Variants in SMARCB1 observed in about 807,000 individuals in gnomAD.
SMARCB1 encodes the protein SWI/SNF related BAF chromatin remodeling complex subunit B1.
Under a neutral mutation model 49.0 loss-of-function variants are expected in SMARCB1, and 5 were observed. That is an observed-to-expected ratio of 0.10 (90% confidence interval 0.05 to 0.21). The LOEUF (loss-of-function observed/expected upper bound fraction) is 0.21. SMARCB1 is among the 10% of genes least tolerant of loss of function. The pLI is 1.00. For synonymous variants in SMARCB1, 201 were observed against 200.1 expected (o/e 1.00, Z -0.04); for missense variants, 226 against 509.2 (o/e 0.44, Z 5.35).
At chr22:23,793,167 A>T (rs1601390470) in intron 2 of SMARCB1, 7 of 338,942 alleles carry the variant, frequency 2.1e-5, no homozygotes, top group South Asian at 1.8e-4. Context: ...GTGGTGTCAG[A>T]CCTCTTCCCA....
At chr22:23,834,116 A>C in intron 8 of SMARCB1, 25 bp from the exon 9 acceptor site, 1 of 1,574,856 alleles carries the variant, frequency 6.3e-7, no homozygotes, top group Non-Finnish European at 8.6e-7. Context: ...GCCCCGACTC[A>C]TTGCCCTCCC....
In SMARCB1 at chr22:23,801,058, CAA is replaced by C; in HGVS notation, c.478_479del (p.Lys160GlufsTer9). 6.2e-7 allele frequency: 1 copy of C among 1,614,232 alleles called. No homozygotes were observed. The highest frequency in any genetic ancestry group is 8.5e-7 in the Non-Finnish European group (1 of 1,180,034). On this transcript the variant is annotated frameshift_variant, in exon 4 of 9. Coordinates refer to ENST00000644036, the MANE Select transcript of SMARCB1 (RefSeq NM_003073.5). LOFTEE classifies it high-confidence loss of function. ...TINRNRMGRD[K>X]KRTFPLCFDD... The stretch of plus-strand genomic sequence containing the variant: ...TCAACAGGAACCGCATGGGCCGAGA[CAA>C]GAAGAGAACCTTCCCCCTTTGGTGT...
At chr22:23,810,894 G>C (rs1187174287) in intron 5 of SMARCB1, among the ~76,000 whole-genome samples, 3 of 152,076 alleles carry the variant, frequency 2.0e-5, no homozygotes, top group African/African-American at 4.8e-5. Flanking sequence ...GCTGGGTGTG[G>C]TGGCGGGCGC....
intron 7 of SMARCB1, 73 bp from the exon 8 acceptor site, chr22:23,833,499 G>A: frequency 6.2e-7 from 1 of 1,603,308 alleles, no homozygotes. Flanking sequence ...CACAGACAGG[G>A]GCCAAAGCTT....
chr22:23,792,021 G>A, intron 2 of SMARCB1, 127 bp downstream of exon 2: 1 of 1,006,402 alleles, frequency 9.9e-7, no homozygotes, highest in Non-Finnish European at 1.5e-6. Flanking sequence ...AGCATCCCGG[G>A]GTGGGCCGCC....
rs748920443 is a variant in SMARCB1, at chr22:23,837,059, C to T, written c.*2879C>T. 5 of 1,613,804 alleles carry T rather than the reference C, an allele frequency of 3.1e-6. No homozygotes were observed. In the South Asian group the frequency reaches 5.5e-5, roughly 18 times the overall value. On this transcript the variant is annotated 3_prime_UTR_variant, in exon 9 of 9. Coordinates refer to ENST00000644036, the MANE Select transcript of SMARCB1 (RefSeq NM_003073.5). ...GGAGAGGGAGGGAGGGCTCTCAACA[C>T]TCACAGGAAGCCAGGGGTCTGCAGG...
At chr22:23,827,299 C>T (rs1048849652) in intron 7 of SMARCB1, among the ~76,000 whole-genome samples, 1 of 152,218 alleles carries the variant, frequency 6.6e-6, no homozygotes, top group Non-Finnish European at 1.5e-5. Flanking sequence ...GTCCCCGGGG[C>T]CTCTTGACAG....
chr22:23,791,996 C>G, intron 2 of SMARCB1, 102 bp downstream of exon 2: 1 of 1,335,374 alleles, frequency 7.5e-7, no homozygotes, highest in Non-Finnish European at 1.1e-6. Flanking sequence ...CAGCCTTGGC[C>G]TTAGTCGGGC....
At position 23,836,085 on chromosome 22, in the gene SMARCB1, A is replaced by G. The variant is rs1218569314; in HGVS notation, c.*1905A>G. On this transcript the variant is annotated 3_prime_UTR_variant, in exon 9 of 9. Transcript: ENST00000644036. ...AGGTCAGAAGAGAAAAATGAGCCAC[A>G]GGGGTCGGATAAGGCTCACACACGT... 2.0e-6 allele frequency: 2 copies of G among 985,304 alleles called. No individual in the cohort carries two copies. The highest frequency in any genetic ancestry group is 2.4e-6 in the Non-Finnish European group (2 of 829,874). 61.0% of individuals were successfully genotyped at this position (985,304 alleles called of 1,614,324 possible).
rs2031098623 is a variant in SMARCB1 at position 23,836,963 on chromosome 22, C to T, written c.*2783C>T. On this transcript the variant is annotated 3_prime_UTR_variant, in exon 9 of 9. Transcript: ENST00000644036. ...TGCAGGGGCATCCAGGAGCAGCTTTCTGTGGGGAGGGGCCCGTGTTGAGCA... is the reference window on the plus strand; with the variant it reads ...TGCAGGGGCATCCAGGAGCAGCTTTTTGTGGGGAGGGGCCCGTGTTGAGCA... The T allele has an allele frequency of 2.5e-6, 4 of 1,598,754 alleles. No homozygotes were observed. The highest frequency in any genetic ancestry group is 3.4e-6 in the Non-Finnish European group (4 of 1,173,116).
chr22:23,809,481 G>C (rs1288010245), intron 5 of SMARCB1, among the ~76,000 whole-genome samples: 1 of 151,364 alleles, frequency 6.6e-6, no homozygotes, highest in Non-Finnish European at 1.5e-5. Flanking sequence ...TCTCCATGTT[G>C]GTCAGGCTGG....
chr22:23,810,746 A>G (rs1929822428), intron 5 of SMARCB1, among the ~76,000 whole-genome samples: 1 of 151,766 alleles, frequency 6.6e-6, no homozygotes, highest in Admixed American at 6.6e-5. Flanking sequence ...TTAAGGCTTT[A>G]AGGCTGGGCA....
Position 23,807,475 on chromosome 22 carries a change from TGAGGTG to T in SMARCB1, c.628+4055_628+4060del, listed in dbSNP as rs1487452150. On this transcript the variant is annotated intron_variant, in intron 5 of 8. Transcript: ENST00000644036. ...CTGTGATCTCAGCTACTTGGGAGGC[TGAGGTG>T]GGAGGATAGCTTGAGCCCGGGAGGT... 4.6e-5 allele frequency among the ~76,000 whole-genome samples: 7 copies of T among 152,044 alleles called. No individual in the cohort carries two copies. In the East Asian group the frequency reaches 1.4e-3, roughly 29 times the overall value.
chr22:23,800,989 C>T lies in SMARCB1; in HGVS notation c.408C>T (p.Pro136=), dbSNP rs1601401844. 3 of 1,614,170 alleles carry T rather than the reference C, an allele frequency of 1.9e-6. No individual in the cohort carries two copies. The highest frequency in any genetic ancestry group is 2.5e-6 in the Non-Finnish European group (3 of 1,180,008). Residue 136 remains proline, a synonymous_variant, in exon 4 of 9, where the codon CCC becomes CCT. Transcript: ENST00000644036. ...ACAGCCAGTGGGTACCCACCCTGCCCAACAGCTCCCACCACTTAGATGCCG... is the reference window on the plus strand; with the variant it reads ...ACAGCCAGTGGGTACCCACCCTGCCTAACAGCTCCCACCACTTAGATGCCG... The part of the protein sequence containing the change: ...KRNSQWVPTL[P]NSSHHLDAVP...
rs754342520 is a variant in SMARCB1, at chr22:23,837,613, G to A, written c.*3433G>A. ...CCAGGGCATAAGCAGCGTGTCCTGA[G>A]GGGAGTGGCCAGCCTGGGGCGGACT... On this transcript the variant is annotated 3_prime_UTR_variant, in exon 9 of 9. Transcript: ENST00000644036. The A allele has an allele frequency of 4.1e-4, 643 of 1,585,322 alleles. 1 individual carries two copies. Among genetic ancestry groups the A allele is most frequent in the Non-Finnish European group, 5.3e-4 (613 of 1,161,996 alleles).
At chr22:23,787,380 CG>C in intron 1 of SMARCB1, 118 bp downstream of exon 1, 1 of 497,468 alleles carries the variant, frequency 2.0e-6, no homozygotes, top group South Asian at 3.0e-5. Flanking sequence ...CGCGCGCGCG[CG>C]CTCGGGGCTG....
chr22:23,815,819 G>A (rs1030646281), intron 5 of SMARCB1: 4 of 152,246 alleles, frequency 2.6e-5, no homozygotes, highest in Non-Finnish European at 2.9e-5. Context: ...GAAACTGGGC[G>A]CAGTGTGCAT....
At chr22:23,799,707 C>T (rs552382506) in intron 3 of SMARCB1, among the ~76,000 whole-genome samples, 40 of 56,218 alleles carry the variant, frequency 7.1e-4, no homozygotes, top group Non-Finnish European at 9.6e-4. Flanking sequence ...TTTTTTGAGA[C>T]GGAGTCTTGC....
At chr22:23,801,222 A>G in intron 4 of SMARCB1, 141 bp downstream of exon 4, 2 of 1,198,856 alleles carry the variant, frequency 1.7e-6, no homozygotes, top group Non-Finnish European at 2.4e-6. Context: ...TCGCCTTTGA[A>G]CTGTTGTGTT....
Sources: allele counts gnomAD v4.1 joint callset (sites outside exome capture counted in the v4.1 genomes callset), GRCh38; gene constraint gnomAD v4.1.1; transcripts MANE v1.5; gene names NCBI Gene and HGNC (gene_info 2026-07-23, HGNC 2026-07-21).